CCDC171: variants seen among roughly 807,000 people sequenced by gnomAD.
The protein encoded by CCDC171 is coiled-coil domain containing 171.
CCDC171 carries 177 observed loss-of-function variants against 168.2 expected under a neutral mutation model. The observed-to-expected ratio is 1.05, with a 90% CI of 0.93 to 1.19. The LOEUF (loss-of-function observed/expected upper bound fraction) is 1.19. Among genes scored for constraint, CCDC171 ranks in the 50% most tolerant of loss-of-function variants. The pLI is 0.00. For synonymous variants in CCDC171, 687 were observed against 540.8 expected, an observed-to-expected ratio of 1.27 and a Z score of -3.75; for missense variants, 1,991 against 1,539.0, an observed-to-expected ratio of 1.29 and a Z score of -4.91.
At chr9:15,691,455 G>GT (rs1329940689) in intron 10 of CCDC171, among the ~76,000 whole-genome samples, 28 of 140,612 alleles carry the variant, frequency 2.0e-4, no homozygotes, top group African/African-American at 4.7e-4. Context: ...TTCTCTATTT[G>GT]TTTTTTTTTA....
At chr9:16,101,888 T>A in the CCDC171 span, among the ~76,000 whole-genome samples, 1 of 152,232 alleles carries the variant, frequency 6.6e-6, no homozygotes, top group South Asian at 2.1e-4. Context: ...ATGGCAGGCC[T>A]GGCCAACACC....
At chr9:15,603,316 G>T (rs2042996693) in intron 6 of CCDC171, among the ~76,000 whole-genome samples, 1 of 152,166 alleles carries the variant, frequency 6.6e-6, no homozygotes, top group African/African-American at 2.4e-5. Context: ...AGGTACACAT[G>T]TGCCATGGTG....
chr9:15,947,637 T>G (rs1828567826), intron 25 of CCDC171, among the ~76,000 whole-genome samples: 1 of 152,062 alleles, frequency 6.6e-6, no homozygotes, highest in South Asian at 2.1e-4. Flanking sequence ...CTTCCTTGTT[T>G]TAGCAATTGT....
chr9:15,914,308 A>C (rs1824161742), intron 24 of CCDC171, among the ~76,000 whole-genome samples: 2 of 152,100 alleles, frequency 1.3e-5, no homozygotes, highest in South Asian at 4.1e-4. Context: ...TAAGCCCCTC[A>C]CTGGGGCTGC....
intron 7 of CCDC171, among the ~76,000 whole-genome samples, chr9:15,648,918 A>G (rs957843161): frequency 6.6e-6 from 1 of 152,226 alleles, no homozygotes. Context: ...ATATGAAACC[A>G]GAAAAGAGAC....
At chr9:15,822,885 C>T (rs531931931) in intron 21 of CCDC171, among the ~76,000 whole-genome samples, 8 of 152,224 alleles carry the variant, frequency 5.3e-5, no homozygotes, top group East Asian at 1.9e-4. Flanking sequence ...CACATGCACA[C>T]GTATGTCTAT....
chr9:15,816,143 A>C (rs1325923063), intron 21 of CCDC171, among the ~76,000 whole-genome samples: 1 of 117,744 alleles, frequency 8.5e-6, no homozygotes, highest in African/African-American at 3.2e-5. Flanking sequence ...CTCATACATA[A>C]TTTTAAAAAC....
chr9:15,563,951 C>T, intron 1 of CCDC171, 27 bp from the exon 2 acceptor site: 2 of 654,890 alleles, frequency 3.1e-6, no homozygotes, highest in Non-Finnish European at 2.7e-6. Context: ...ACTCAAACTG[C>T]TATTGTATCA....
chr9:16,054,829 C>A (rs189897932), intron 1 of CCDC171, among the ~76,000 whole-genome samples: 45 of 152,262 alleles, frequency 3.0e-4, no homozygotes, highest in African/African-American at 1.1e-3. Context: ...GGACACTAGT[C>A]CTTCAGGCAC....
At chr9:15,967,734 C>T (rs1031042064) in intron 25 of CCDC171, among the ~76,000 whole-genome samples, 6 of 152,136 alleles carry the variant, frequency 3.9e-5, no homozygotes, top group African/African-American at 1.4e-4. Context: ...GTCTAGTATT[C>T]TTTTAATCAC....
chr9:15,777,054 A>G (rs186170221), intron 18 of CCDC171, among the ~76,000 whole-genome samples: 5 of 152,332 alleles, frequency 3.3e-5, no homozygotes, highest in Admixed American at 2.0e-4. Flanking sequence ...ATTTATCAAC[A>G]TTAAACACAA....
chr9:15,922,272 T>A (rs761723967), intron 25 of CCDC171: 25 of 230,440 alleles, frequency 1.1e-4, no homozygotes, highest in Non-Finnish European at 1.6e-4. Flanking sequence ...TCTTTTCCCT[T>A]AGTTGAGAAT....
chr9:15,673,373 A>T (rs993888246), intron 9 of CCDC171, among the ~76,000 whole-genome samples: 1 of 152,162 alleles, frequency 6.6e-6, no homozygotes, highest in Admixed American at 6.5e-5. Flanking sequence ...CCCTGGCCAG[A>T]AGTTCCAACA....
At chr9:15,903,005 G>C (rs1767921344) in intron 24 of CCDC171, among the ~76,000 whole-genome samples, 1 of 152,212 alleles carries the variant, frequency 6.6e-6, no homozygotes, top group Non-Finnish European at 1.5e-5. Flanking sequence ...CCATTGCCTA[G>C]GCTAGAGTAG....
intron 24 of CCDC171, among the ~76,000 whole-genome samples, chr9:15,881,431 G>T (rs899864224): frequency 2.4e-4 from 36 of 152,180 alleles, no homozygotes; most frequent in Admixed American, 2.1e-3. Flanking sequence ...AAATCAGTGT[G>T]CTTGGGATAT....
chr9:15,795,625 A>G (rs543051955), intron 21 of CCDC171, among the ~76,000 whole-genome samples: 43 of 152,330 alleles, frequency 2.8e-4, no homozygotes, highest in African/African-American at 9.9e-4. Flanking sequence ...AGTTGATAAT[A>G]ATAATGTTAG....
At chr9:15,975,691 C>G (rs535484983), downstream of CCDC171, among the ~76,000 whole-genome samples, 2 of 152,052 alleles carry the variant, frequency 1.3e-5, no homozygotes, top group Admixed American at 6.6e-5. Context: ...ATGACATATG[C>G]CAAATAAAGC....
In CCDC171 at chr9:15,924,002, A is replaced by G. The variant is rs1305297916; in HGVS notation, c.3753+3580A>G. Among the ~76,000 whole-genome samples the G allele has an allele frequency of 2.0e-5, 3 of 151,450 alleles. No individual in the cohort carries two copies. In the Admixed American group the frequency reaches 2.0e-4, roughly 10 times the overall value. On this transcript the variant is annotated intron_variant, in intron 25 of 25. Coordinates refer to ENST00000380701, the MANE Select transcript of CCDC171 (RefSeq NM_173550.4). ...TTACTCAGTTATATATATGCCTCCA[A>G]AGGCATGTATATAGATATATAGATA...
At chr9:15,675,187 G>GTTTTTTTTTTTTT (rs138989790) in intron 9 of CCDC171, among the ~76,000 whole-genome samples, 48 of 75,538 alleles carry the variant, frequency 6.4e-4, no homozygotes, top group East Asian at 9.3e-4. Context: ...TGCAACTCCT[G>GTTTTTTTTTTTTT]TTTTTTTTTT....
Sources: allele counts gnomAD v4.1 joint callset (sites outside exome capture counted in the v4.1 genomes callset), GRCh38; gene constraint gnomAD v4.1.1; transcripts MANE v1.5; gene names NCBI Gene and HGNC (gene_info 2026-07-23, HGNC 2026-07-21).